The following SAMSN1 variants were observed in gnomAD, a reference collection of about 807,000 sequenced individuals.
SAMSN1 encodes SAM domain, SH3 domain and nuclear localization signals 1, also known as SAM domain-containing protein SAMSN-1.
A neutral mutation model predicts 42.0 loss-of-function variants in SAMSN1; 31 were observed. The ratio of observed to expected loss-of-function variants is 0.74; its 90% CI spans 0.55 to 1.00. The LOEUF is 1.00. Among genes scored for constraint, SAMSN1 ranks in the 50% least tolerant of loss-of-function variants. SAMSN1 has a pLI of 0.00. For synonymous variants in SAMSN1, 178 were observed against 151.9 expected (o/e 1.17, Z -1.26); for missense variants, 464 against 439.4 (o/e 1.06, Z -0.50).
At chr21:14,566,678 C>T (rs1981129975) in intron 2 of SAMSN1, among the ~76,000 whole-genome samples, 1 of 152,112 alleles carries the variant, frequency 6.6e-6, no homozygotes, top group South Asian at 2.1e-4. Flanking sequence ...GCTGGGGTTA[C>T]AGGTGTGCAC....
In SAMSN1 at chr21:14,492,205, A is replaced by G. The variant is rs532769083; in HGVS notation, c.920-6091T>C. Among the ~76,000 whole-genome samples the G allele has an allele frequency of 1.6e-4, 25 of 152,284 alleles. No homozygotes were observed. The South Asian group carries it at 4.3e-3, about 26-fold the overall frequency. ...CTGGATACAAAAGTGTGCATATTTT[A>G]AACTTTGATTGTGTTTCACGTTATT... On this transcript the variant is annotated intron_variant, in intron 7 of 7. Coordinates refer to ENST00000400566, the MANE Select transcript of SAMSN1 (RefSeq NM_022136.5).
At chr21:14,630,311 G>A (rs994288911) in intron 2 of SAMSN1, among the ~76,000 whole-genome samples, 1 of 151,872 alleles carries the variant, frequency 6.6e-6, no homozygotes, top group African/African-American at 2.4e-5. Context: ...ATAGTAGTTC[G>A]GTCCAATGTC....
upstream of SAMSN1, among the ~76,000 whole-genome samples, chr21:14,546,681 A>G (rs902613944): frequency 6.6e-6 from 1 of 151,958 alleles, no homozygotes; most frequent in Non-Finnish European, 1.5e-5. Context: ...AAAAAAAAAA[A>G]AAGAATACTC....
chr21:14,571,158 T>C (rs1981288706), intron 2 of SAMSN1, among the ~76,000 whole-genome samples: 1 of 152,228 alleles, frequency 6.6e-6, no homozygotes, highest in Admixed American at 6.5e-5. Flanking sequence ...TTCATGTTTA[T>C]TTATGTGATT....
At chr21:14,628,684 T>A (rs898209289) in intron 2 of SAMSN1, among the ~76,000 whole-genome samples, 2 of 152,164 alleles carry the variant, frequency 1.3e-5, no homozygotes, top group Non-Finnish European at 2.9e-5. Context: ...GAGATCACTT[T>A]GGCAAAGGGG....
chr21:14,638,156 C>T (rs974728978), intron 2 of SAMSN1, among the ~76,000 whole-genome samples: 4 of 152,214 alleles, frequency 2.6e-5, no homozygotes, highest in Middle Eastern at 3.4e-3. Flanking sequence ...GCAGATTATA[C>T]GAATCCTTGT....
intron 2 of SAMSN1, among the ~76,000 whole-genome samples, chr21:14,626,973 T>C (rs1379462274): frequency 6.6e-6 from 1 of 152,182 alleles, no homozygotes; most frequent in Admixed American, 6.5e-5. Context: ...TCATGTCCTT[T>C]GTAGGGACAT....
Position 14,606,008 on chromosome 21 carries a change from A to AT in SAMSN1, c.322+3473dup, listed in dbSNP as rs572955108. 8.3e-3 allele frequency among the ~76,000 whole-genome samples: 1,265 copies of AT among 151,652 alleles called. 20 individuals are homozygous for AT. Among genetic ancestry groups the AT allele is most frequent in the African/African-American group, 0.029 (1,203 of 41,340 alleles). On this transcript the variant is annotated intron_variant, in intron 5 of 15. Coordinates refer to the SAMSN1 transcript ENST00000647101. ...AGGCGCCCGCCACCACGCCCGGCTA[A>AT]TTTTTTGTATTTTTGTAGAGACGGG... is the stretch of plus-strand genomic sequence containing the variant.
At chr21:14,603,176 A>G (rs1319007934) in intron 5 of SAMSN1, among the ~76,000 whole-genome samples, 2 of 152,140 alleles carry the variant, frequency 1.3e-5, no homozygotes, top group Non-Finnish European at 2.9e-5. Flanking sequence ...CTGGGAAAAA[A>G]AAATATTGCC....
intron 7 of SAMSN1, among the ~76,000 whole-genome samples, chr21:14,495,404 A>G (rs1436279612): frequency 1.3e-5 from 2 of 152,228 alleles, no homozygotes; most frequent in East Asian, 3.8e-4. Flanking sequence ...CATAAAAGAT[A>G]AATAGCTTTC....
At chr21:14,500,029 C>A (rs1987079794) in intron 6 of SAMSN1, among the ~76,000 whole-genome samples, 1 of 152,132 alleles carries the variant, frequency 6.6e-6, no homozygotes. Context: ...ACAGACAACA[C>A]AGTTTCCTTA....
chr21:14,658,926 C>A (rs757182858), upstream of SAMSN1: 306 of 613,902 alleles, frequency 5.0e-4, 2 homozygotes, highest in Middle Eastern at 5.4e-3. Context: ...AGACCATTAT[C>A]AAATAATATA....
intron 3 of SAMSN1, among the ~76,000 whole-genome samples, chr21:14,513,682 T>G (rs1242365932): frequency 6.6e-6 from 1 of 152,210 alleles, no homozygotes; most frequent in Admixed American, 6.5e-5. Flanking sequence ...TGGAGTATCC[T>G]CCAAAGACCT....
chr21:14,596,539 A>C (rs1264376385), intron 6 of SAMSN1, among the ~76,000 whole-genome samples: 2 of 152,190 alleles, frequency 1.3e-5, no homozygotes, highest in Non-Finnish European at 2.9e-5. Flanking sequence ...CAAATAGAAT[A>C]AAATGGAAGT....
chr21:14,512,655 C>A, intron 3 of SAMSN1, 82 bp from the exon 4 acceptor site: 1 of 1,145,694 alleles, frequency 8.7e-7, no homozygotes. Context: ...TTAATAGACA[C>A]ATATTTTAGC....
chr21:14,641,754 C>T (rs1983603246), intron 2 of SAMSN1, among the ~76,000 whole-genome samples: 1 of 152,056 alleles, frequency 6.6e-6, no homozygotes, highest in Non-Finnish European at 1.5e-5. Flanking sequence ...TTTATATTGT[C>T]CTAAGCCACA....
intron 2 of SAMSN1, among the ~76,000 whole-genome samples, chr21:14,578,956 C>A (rs978742090): frequency 5.9e-5 from 9 of 152,090 alleles, no homozygotes; most frequent in Non-Finnish European, 1.2e-4. Context: ...CAAACCCCAA[C>A]ACTGCCTCCT....
chr21:14,603,225 C>T (rs780186634), intron 5 of SAMSN1, among the ~76,000 whole-genome samples: 1 of 152,080 alleles, frequency 6.6e-6, no homozygotes, highest in Non-Finnish European at 1.5e-5. Flanking sequence ...CTTTTAGTCA[C>T]CTTTTTACAG....
intron 1 of SAMSN1, among the ~76,000 whole-genome samples, chr21:14,527,264 C>T (rs1486376716): frequency 6.6e-6 from 1 of 152,150 alleles, no homozygotes; most frequent in Non-Finnish European, 1.5e-5. Flanking sequence ...CAAAGACACT[C>T]GAGGATTTAA....
Sources: gnomAD v4.1 joint callset for allele counts (sites outside exome capture counted in the v4.1 genomes callset) on GRCh38, gnomAD v4.1.1 for gene constraint, MANE v1.5 for transcripts, NCBI Gene and HGNC (gene_info 2026-07-23, HGNC 2026-07-21) for gene names.